Variants in NFIB observed in about 807,000 individuals in gnomAD.
NFIB encodes the protein nuclear factor I B, also known as nuclear factor 1 B-type.
NFIB carries 11 observed loss-of-function variants against 61.5 expected under a neutral mutation model. That is an observed-to-expected ratio of 0.18 (90% CI 0.11 to 0.30). The LOEUF (loss-of-function observed/expected upper bound fraction) is 0.30. NFIB is among the 10% of genes least tolerant of loss of function. NFIB has a pLI of 1.00. For missense variants in NFIB, 471 were observed against 608.9 expected, an observed-to-expected ratio of 0.77 and a Z score of 2.38; for synonymous variants, 260 against 216.5, an observed-to-expected ratio of 1.20 and a Z score of -1.76.
chr9:14,426,211 C>T, the NFIB span, among the ~76,000 whole-genome samples: 110,152 of 151,938 alleles, frequency 0.72, 40,071 homozygotes, highest in East Asian at 0.82. Context: ...GCGCTCTGTT[C>T]ATAGCATGAT....
At chr9:14,151,203 G>A (rs1398430712) in intron 4 of NFIB, among the ~76,000 whole-genome samples, 1 of 152,130 alleles carries the variant, frequency 6.6e-6, no homozygotes, top group Non-Finnish European at 1.5e-5. Flanking sequence ...TATAACACGT[G>A]CTCAACCATT....
At chr9:14,123,875 C>A (rs1003836607) in intron 7 of NFIB, among the ~76,000 whole-genome samples, 7 of 152,096 alleles carry the variant, frequency 4.6e-5, no homozygotes, top group Non-Finnish European at 1.0e-4. Context: ...GTATGTCCCT[C>A]TGCCTCCCAG....
chr9:14,403,016 C>G (rs2061756798), upstream of NFIB, among the ~76,000 whole-genome samples: 1 of 152,204 alleles, frequency 6.6e-6, no homozygotes, highest in Non-Finnish European at 1.5e-5. Flanking sequence ...TGAATCTGGA[C>G]TGGAGCATCC....
chr9:14,255,989 ATTAGCTGTGTG>A (rs2056184065), intron 2 of NFIB, among the ~76,000 whole-genome samples: 1 of 152,212 alleles, frequency 6.6e-6, no homozygotes, highest in Non-Finnish European at 1.5e-5. Context: ...TCCACCACCT[ATTAGCTGTGTG>A]ATCTTGAGAA....
intron 2 of NFIB, among the ~76,000 whole-genome samples, chr9:14,208,252 A>T (rs1350289021): frequency 1.3e-5 from 2 of 152,216 alleles, no homozygotes; most frequent in Non-Finnish European, 2.9e-5. Flanking sequence ...AAAAAGACTA[A>T]GAGAGTAAAT....
chr9:14,156,549 A>C (rs1200146644), intron 3 of NFIB, among the ~76,000 whole-genome samples: 1 of 152,106 alleles, frequency 6.6e-6, no homozygotes, highest in Non-Finnish European at 1.5e-5. Context: ...GAATTAGACA[A>C]CTTTTCTGGC....
the NFIB span, among the ~76,000 whole-genome samples, chr9:14,472,491 T>C: frequency 2.0e-5 from 3 of 152,208 alleles, no homozygotes; most frequent in Non-Finnish European, 4.4e-5. Context: ...AAATAAAATG[T>C]GTAGCTTGTA....
At chr9:14,226,091 A>G (rs1041690397) in intron 2 of NFIB, among the ~76,000 whole-genome samples, 40 of 147,752 alleles carry the variant, frequency 2.7e-4, no homozygotes, top group African/African-American at 8.3e-4. Flanking sequence ...TTTAAAGAGC[A>G]TTTTTTTTTT....
At chr9:14,219,381 T>TAAAAAAAAAAAAAA (rs751279935) in intron 2 of NFIB, among the ~76,000 whole-genome samples, 5 of 73,512 alleles carry the variant, frequency 6.8e-5, no homozygotes, top group Non-Finnish European at 9.7e-5. Flanking sequence ...AGCACTAGGG[T>TAAAAAAAAAAAAAA]AAAAAAAAAA....
At chr9:14,531,613 CCTA>C in the NFIB span, among the ~76,000 whole-genome samples, 1 of 152,200 alleles carries the variant, frequency 6.6e-6, no homozygotes, top group South Asian at 2.1e-4. Context: ...GCTCCAATCC[CCTA>C]CTGACTGCCC....
chr9:14,144,603 C>A (rs1313909903), intron 6 of NFIB, among the ~76,000 whole-genome samples: 2 of 152,140 alleles, frequency 1.3e-5, no homozygotes, highest in African/African-American at 4.8e-5. Flanking sequence ...GTGCTGGTTA[C>A]AGTAATAGTC....
chr9:14,516,154 C>T, the NFIB span, among the ~76,000 whole-genome samples: 1 of 152,342 alleles, frequency 6.6e-6, no homozygotes, highest in East Asian at 1.9e-4. Flanking sequence ...GCGCAGGCCC[C>T]AGCACACGGC....
At chr9:14,438,018 G>GTA in the NFIB span, among the ~76,000 whole-genome samples, 1 of 151,778 alleles carries the variant, frequency 6.6e-6, no homozygotes, top group Non-Finnish European at 1.5e-5. Flanking sequence ...CCTAGTGTGT[G>GTA]TGTGTGTGTG....
chr9:14,096,976 T>A (rs1285860391), intron 10 of NFIB, among the ~76,000 whole-genome samples: 1 of 152,168 alleles, frequency 6.6e-6, no homozygotes, highest in Non-Finnish European at 1.5e-5. Flanking sequence ...GTTGTACAAA[T>A]CTTTCTTTAT....
chr9:14,183,904 TA>T (rs1038847905), intron 2 of NFIB, among the ~76,000 whole-genome samples: 12 of 150,970 alleles, frequency 7.9e-5, no homozygotes, highest in Admixed American at 4.0e-4. Context: ...TTTATTCTTC[TA>T]AAAAAAAAGT....
At chr9:14,484,073 A>G in the NFIB span, among the ~76,000 whole-genome samples, 5 of 152,220 alleles carry the variant, frequency 3.3e-5, no homozygotes, top group Non-Finnish European at 7.3e-5. Flanking sequence ...TGTCTTGAGG[A>G]TGTTACCTAC....
intron 2 of NFIB, among the ~76,000 whole-genome samples, chr9:14,189,622 A>G (rs1017239866): frequency 6.6e-6 from 1 of 150,814 alleles, no homozygotes; most frequent in Non-Finnish European, 1.5e-5. Flanking sequence ...ATCCCCACCT[A>G]CTTGGTTGCA....
At chr9:14,302,738 C>A (rs1283709942) in intron 2 of NFIB, among the ~76,000 whole-genome samples, 1 of 151,924 alleles carries the variant, frequency 6.6e-6, no homozygotes, top group Non-Finnish European at 1.5e-5. Context: ...CCCACTCCCG[C>A]CCCCCGACTC....
At chr9:14,237,873 G>A (rs1430562933) in intron 2 of NFIB, among the ~76,000 whole-genome samples, 1 of 148,982 alleles carries the variant, frequency 6.7e-6, no homozygotes, top group East Asian at 2.0e-4. Flanking sequence ...GTGTGTGTGT[G>A]TGTGTGTGTG....
Sources: allele counts gnomAD v4.1 joint callset (sites outside exome capture counted in the v4.1 genomes callset), GRCh38; gene constraint gnomAD v4.1.1; transcripts MANE v1.5; gene names NCBI Gene and HGNC (gene_info 2026-07-23, HGNC 2026-07-21).